The following IMPG1 variants were observed in gnomAD, a reference collection of about 807,000 sequenced individuals.
IMPG1 encodes interphotoreceptor matrix proteoglycan 1.
IMPG1 carries 85 observed loss-of-function variants against 92.0 expected under a neutral mutation model. The observed-to-expected ratio is 0.92, with a 90% CI of 0.78 to 1.11. The LOEUF is 1.11. Ranked by LOEUF, IMPG1 falls within the 50% of genes least tolerant of loss-of-function variation. The pLI is 0.00. For missense variants in IMPG1, 1,022 were observed against 956.0 expected (o/e 1.07, Z -0.91); for synonymous variants, 367 against 334.1 (o/e 1.10, Z -1.08).
chr6:75,963,721 C>T (rs1202725467), intron 12 of IMPG1, among the ~76,000 whole-genome samples: 1 of 152,160 alleles, frequency 6.6e-6, no homozygotes. Flanking sequence ...CCCTGTTATC[C>T]CCCACTCCCC....
chr6:75,955,868 T>C (rs1782111157), intron 12 of IMPG1, among the ~76,000 whole-genome samples: 2 of 152,240 alleles, frequency 1.3e-5, no homozygotes, highest in African/African-American at 4.8e-5. Context: ...CATGTAGCTT[T>C]TGTCATTGGT....
At chr6:76,007,124 T>C (rs1050900572) in intron 9 of IMPG1, among the ~76,000 whole-genome samples, 7 of 152,196 alleles carry the variant, frequency 4.6e-5, no homozygotes, top group African/African-American at 1.4e-4. Context: ...ATTCCATGTA[T>C]GTGTGTGCTT....
Position 76,030,932 on chromosome 6 carries a change from C to T in IMPG1, c.497+3383G>A, listed in dbSNP as rs11962231. Reference sequence around the variant, plus strand: ...CTCTGGAAGTTCATGACATTTGCAGCGAGGAGGAGCCTGGCCCATCCTCGT... The same window carrying T: ...CTCTGGAAGTTCATGACATTTGCAGTGAGGAGGAGCCTGGCCCATCCTCGT... On this transcript the variant is annotated intron_variant, in intron 4 of 16. Transcript: ENST00000369950. Among the ~76,000 whole-genome samples, 376 of 152,182 alleles carry T rather than the reference C, an allele frequency of 2.5e-3. 6 individuals carry two copies. The highest frequency in any genetic ancestry group is 0.019 in the Admixed American group (290 of 15,284).
intron 1 of IMPG1, 75 bp downstream of exon 1, chr6:76,072,347 T>C: frequency 3.8e-6 from 3 of 785,172 alleles, no homozygotes; most frequent in Admixed American, 2.4e-5. Context: ...GGTAGCCTTG[T>C]TGGTTCTAAA....
intron 7 of IMPG1, among the ~76,000 whole-genome samples, chr6:76,016,636 C>T (rs920526258): frequency 2.6e-5 from 4 of 152,120 alleles, no homozygotes; most frequent in Non-Finnish European, 5.9e-5. Context: ...AGAAGAGGTA[C>T]GTATTGAATT....
intron 1 of IMPG1, among the ~76,000 whole-genome samples, chr6:76,065,254 A>C (rs6939541): frequency 0.016 from 2,461 of 152,224 alleles, 66 homozygotes; most frequent in African/African-American, 0.056. Context: ...AAATCTTTGA[A>C]ATACCAGATA....
chr6:76,007,785 A>C (rs1193553938), intron 8 of IMPG1, among the ~76,000 whole-genome samples: 1 of 152,118 alleles, frequency 6.6e-6, no homozygotes, highest in Non-Finnish European at 1.5e-5. Context: ...TTCTTCTTAC[A>C]TTCCTTAATT....
At chr6:76,063,551 C>A (rs2127598124) in intron 1 of IMPG1, among the ~76,000 whole-genome samples, 1 of 152,300 alleles carries the variant, frequency 6.6e-6, no homozygotes, top group African/African-American at 2.4e-5. Flanking sequence ...GATTTGGTGA[C>A]TTCTTGAGGG....
intron 12 of IMPG1, among the ~76,000 whole-genome samples, chr6:75,976,485 C>T (rs1340480762): frequency 6.6e-6 from 1 of 151,974 alleles, no homozygotes; most frequent in Admixed American, 6.5e-5. Flanking sequence ...TCATTTGAAC[C>T]CAGAAGCGGA....
In IMPG1 at chr6:75,936,944, A is replaced by G. The variant is rs116795471; in HGVS notation, c.2045-5793T>C. Reference sequence around the variant, plus strand: ...CTCCATGCAGTGGTTGGGGTGTGGAATGAGGGCACAGATTGAAACCCTGGA... The same window carrying G: ...CTCCATGCAGTGGTTGGGGTGTGGAGTGAGGGCACAGATTGAAACCCTGGA... On this transcript the variant is annotated intron_variant, in intron 14 of 16. Transcript: ENST00000369950. 7.3e-3 allele frequency among the ~76,000 whole-genome samples: 1,118 copies of G among 152,262 alleles called. 12 individuals are homozygous for G. Among genetic ancestry groups the G allele is most frequent in the African/African-American group, 0.026 (1,062 of 41,562 alleles).
At chr6:75,957,856 T>C (rs1782154782) in intron 12 of IMPG1, among the ~76,000 whole-genome samples, 1 of 152,234 alleles carries the variant, frequency 6.6e-6, no homozygotes. Context: ...TGAATCTTTA[T>C]CCAATTTGTC....
chr6:76,034,394 C>T (rs368714664), intron 3 of IMPG1, 51 bp from the exon 4 acceptor site: 109 of 1,530,056 alleles, frequency 7.1e-5, no homozygotes, highest in Non-Finnish European at 9.2e-5. Flanking sequence ...TAATGCCAAC[C>T]GAAGAGTTAA....
At chr6:75,995,989 T>C (rs1782894061) in intron 12 of IMPG1, among the ~76,000 whole-genome samples, 1 of 152,242 alleles carries the variant, frequency 6.6e-6, no homozygotes, top group Non-Finnish European at 1.5e-5. Context: ...ATTTGTTGAA[T>C]GAATAAATGA....
chr6:75,979,496 A>T (rs779078821), intron 12 of IMPG1, among the ~76,000 whole-genome samples: 3 of 152,158 alleles, frequency 2.0e-5, no homozygotes, highest in Non-Finnish European at 4.4e-5. Context: ...GAAAGAAAGG[A>T]CAGTCTTCTA....
intron 12 of IMPG1, among the ~76,000 whole-genome samples, chr6:75,952,875 A>G (rs1041953227): frequency 6.6e-6 from 1 of 152,238 alleles, no homozygotes; most frequent in Admixed American, 6.5e-5. Flanking sequence ...AAAATCTGCA[A>G]GCACCTTGAT....
At chr6:76,047,613 C>A (rs1783968905) in intron 1 of IMPG1, among the ~76,000 whole-genome samples, 1 of 152,214 alleles carries the variant, frequency 6.6e-6, no homozygotes. Context: ...GCCCTCCCCT[C>A]TCCAGTTCAC....
chr6:76,041,807 GT>G (rs536085449), intron 2 of IMPG1, 85 bp downstream of exon 2: 135 of 859,204 alleles, frequency 1.6e-4, no homozygotes, highest in Middle Eastern at 1.0e-3. Flanking sequence ...AGAACTGGAA[GT>G]TTTAGGCTAA....
At chr6:75,992,312 C>T (rs1416287942) in intron 12 of IMPG1, among the ~76,000 whole-genome samples, 3 of 152,182 alleles carry the variant, frequency 2.0e-5, no homozygotes, top group Non-Finnish European at 2.9e-5. Flanking sequence ...CCCTCTCTCT[C>T]TTTCTCATTG....
intron 12 of IMPG1, among the ~76,000 whole-genome samples, chr6:75,951,525 G>A (rs572803498): frequency 2.6e-5 from 4 of 152,170 alleles, no homozygotes; most frequent in South Asian, 4.1e-4. Context: ...ACAACTAGGT[G>A]TGCAGTTTTG....
Sources: gnomAD v4.1 joint callset for allele counts (sites outside exome capture counted in the v4.1 genomes callset) on GRCh38, gnomAD v4.1.1 for gene constraint, MANE v1.5 for transcripts, NCBI Gene and HGNC (gene_info 2026-07-23, HGNC 2026-07-21) for gene names.